Variants in IGF2BP3 observed in about 807,000 individuals in gnomAD.
The protein encoded by IGF2BP3 is insulin like growth factor 2 mRNA binding protein 3, also known as insulin-like growth factor 2 mRNA-binding protein 3.
In IGF2BP3, 9 loss-of-function variants were observed where a neutral mutation model predicts 73.8. That is an observed-to-expected ratio of 0.12 (90% CI 0.07 to 0.21). IGF2BP3 has a LOEUF of 0.21. IGF2BP3 is among the 10% of genes least tolerant of loss of function. The probability of loss-of-function intolerance (pLI) is 1.00; values close to 1 mark genes in which losing one functional copy is unlikely to be tolerated. For synonymous variants in IGF2BP3, 258 were observed against 256.7 expected (o/e 1.01, Z -0.05); for missense variants, 542 against 714.0 (o/e 0.76, Z 2.75).
intron 2 of IGF2BP3, among the ~76,000 whole-genome samples, chr7:23,440,181 G>A (rs1787898091): frequency 6.6e-6 from 1 of 151,656 alleles, no homozygotes; most frequent in Non-Finnish European, 1.5e-5. Context: ...GAGAATCACT[G>A]GAACCCAGGA....
chr7:23,361,235 T>A (rs1013752045), intron 5 of IGF2BP3: 4 of 251,268 alleles, frequency 1.6e-5, no homozygotes, highest in Non-Finnish European at 3.1e-5. Flanking sequence ...AGACTTTATG[T>A]TATTTGGCAA....
rs557673929 is a variant in IGF2BP3, at chr7:23,427,216, C to A, written c.237-8392G>T. On this transcript the variant is annotated intron_variant, in intron 2 of 14. Transcript: ENST00000258729. ...AGACAAAATCCTTAAGAAGAACTTG[C>A]ATAAATATAGGTGTATGAGGGTGCG... Among the ~76,000 whole-genome samples the A allele has an allele frequency of 1.6e-4, 24 of 152,198 alleles. No homozygotes were observed. In the South Asian group the frequency reaches 1.9e-3, roughly 12 times the overall value.
intron 10 of IGF2BP3, among the ~76,000 whole-genome samples, chr7:23,334,515 G>A (rs190647): frequency 0.049 from 7,521 of 152,142 alleles, 313 homozygotes; most frequent in African/African-American, 0.1. Flanking sequence ...GTTGGAAAAG[G>A]CCCATTAGCG....
intron 2 of IGF2BP3, among the ~76,000 whole-genome samples, chr7:23,426,444 ATCTT>A (rs1440140554): frequency 6.6e-6 from 1 of 152,174 alleles, no homozygotes; most frequent in Non-Finnish European, 1.5e-5. Flanking sequence ...ATTAAAAAAT[ATCTT>A]TCTTAACAAC....
chr7:23,421,484 G>A (rs1453856034), intron 2 of IGF2BP3, among the ~76,000 whole-genome samples: 5 of 151,646 alleles, frequency 3.3e-5, no homozygotes, highest in African/African-American at 4.8e-5. Context: ...CCTGAGGTCA[G>A]AAGTTCGAGA....
At chr7:23,447,592 C>G (rs1788096217) in intron 2 of IGF2BP3, among the ~76,000 whole-genome samples, 1 of 151,892 alleles carries the variant, frequency 6.6e-6, no homozygotes, top group Non-Finnish European at 1.5e-5. Context: ...CCACTGCAGT[C>G]CAGCCTAGAC....
intron 3 of IGF2BP3, among the ~76,000 whole-genome samples, chr7:23,410,170 A>C (rs932933071): frequency 2.0e-5 from 3 of 151,904 alleles, no homozygotes; most frequent in Non-Finnish European, 2.9e-5. Flanking sequence ...CTCCATCTTA[A>C]AATTTTTTTT....
At chr7:23,337,899 G>A (rs6970408) in intron 10 of IGF2BP3, among the ~76,000 whole-genome samples, 2,615 of 152,276 alleles carry the variant, frequency 0.017, 66 homozygotes, top group African/African-American at 0.059. Context: ...GTTATCCTGG[G>A]CCAGGGAATG....
At chr7:23,452,277 T>A (rs140265857) in intron 2 of IGF2BP3, among the ~76,000 whole-genome samples, 158 of 152,220 alleles carry the variant, frequency 1.0e-3, no homozygotes, top group African/African-American at 3.5e-3. Context: ...GTGCTGGAAT[T>A]ACAGGCGTGA....
intron 2 of IGF2BP3, among the ~76,000 whole-genome samples, chr7:23,445,009 G>C (rs1248265757): frequency 6.6e-6 from 1 of 152,130 alleles, no homozygotes; most frequent in Non-Finnish European, 1.5e-5. Flanking sequence ...ACTGAGCTAT[G>C]ATTATACCAC....
At chr7:23,460,178 C>CAA (rs757381858) in intron 2 of IGF2BP3, among the ~76,000 whole-genome samples, 711 of 55,122 alleles carry the variant, frequency 0.013, 39 homozygotes, top group South Asian at 0.024. Context: ...GACCCTGCCT[C>CAA]AAAAAAAAAA....
At chr7:23,428,412 T>C (rs1056430895) in intron 2 of IGF2BP3, among the ~76,000 whole-genome samples, 1 of 151,480 alleles carries the variant, frequency 6.6e-6, no homozygotes, top group Non-Finnish European at 1.5e-5. Context: ...GCGGAGGTTG[T>C]AGTGAGCTGA....
At chr7:23,456,430 C>A (rs767258307) in intron 2 of IGF2BP3, among the ~76,000 whole-genome samples, 1 of 152,152 alleles carries the variant, frequency 6.6e-6, no homozygotes, top group Non-Finnish European at 1.5e-5. Flanking sequence ...AAGTTTCCTC[C>A]GCAAGAAACT....
At chr7:23,361,856 T>C (rs1785238659) in intron 3 of IGF2BP3, 115 bp from the exon 4 acceptor site, 1 of 836,660 alleles carries the variant, frequency 1.2e-6, no homozygotes, top group African/African-American at 1.7e-5. Context: ...CAAAAAATTA[T>C]CTGGGGCTTT....
intron 3 of IGF2BP3, chr7:23,414,150 C>T (rs1283111133): frequency 7.9e-6 from 1 of 126,748 alleles, no homozygotes; most frequent in Non-Finnish European, 1.7e-5. Flanking sequence ...ACTCTGTCTC[C>T]AAAAAAAAAA....
At chr7:23,382,654 G>A (rs1186560325) in intron 3 of IGF2BP3, among the ~76,000 whole-genome samples, 3 of 151,668 alleles carry the variant, frequency 2.0e-5, no homozygotes, top group African/African-American at 7.3e-5. Context: ...ACACCTTATG[G>A]TAAAACAAAA....
intron 2 of IGF2BP3, among the ~76,000 whole-genome samples, chr7:23,456,219 GAAA>G (rs34926256): frequency 1.4e-5 from 2 of 146,034 alleles, no homozygotes; most frequent in African/African-American, 5.0e-5. Flanking sequence ...AAACCAGCTG[GAAA>G]AAAAAAAAAG....
intron 2 of IGF2BP3, among the ~76,000 whole-genome samples, chr7:23,438,260 C>T (rs569208564): frequency 1.3e-5 from 2 of 152,184 alleles, no homozygotes; most frequent in Non-Finnish European, 2.9e-5. Context: ...ATTACAGGCA[C>T]CCACCACCAT....
In IGF2BP3 at chr7:23,312,834, C is replaced by G; in HGVS notation, c.1542G>C (p.Gln514His). 1 of 1,607,520 alleles carries G rather than the reference C, an allele frequency of 6.2e-7. No homozygotes were observed. Among genetic ancestry groups the G allele is most frequent in the Non-Finnish European group, 8.5e-7 (1 of 1,177,284 alleles). Residue 514 changes from glutamine (Q) to histidine (H), a missense_variant, in exon 14 of 15, where the codon CAG (glutamine) becomes CAC (histidine). Physicochemically the swap from Gln to His is conservative, Grantham distance 24. Transcript: ENST00000258729. Reference sequence around the variant, plus strand: ...CAACAACTTCTGCACTTGACAAATTCTGAAGTTCATTCACCTGAAAGAGAT... The same window carrying G: ...CAACAACTTCTGCACTTGACAAATTGTGAAGTTCATTCACCTGAAAGAGAT... Reference protein sequence around the residue: ...GKGGKTVNELQNLSSAEVVVP... With the variant: ...GKGGKTVNELHNLSSAEVVVP...
Sources: allele counts gnomAD v4.1 joint callset (sites outside exome capture counted in the v4.1 genomes callset), GRCh38; gene constraint gnomAD v4.1.1; transcripts MANE v1.5; gene names NCBI Gene and HGNC (gene_info 2026-07-23, HGNC 2026-07-21).